The following KLF13 variants were observed in gnomAD, a reference collection of about 807,000 sequenced individuals.
KLF13 encodes KLF transcription factor 13.
In KLF13, 8 loss-of-function variants were observed where a neutral mutation model predicts 16.7. The ratio of observed to expected loss-of-function variants is 0.48; its 90% CI spans 0.28 to 0.87. The LOEUF (loss-of-function observed/expected upper bound fraction) is 0.87. Among genes scored for constraint, KLF13 ranks in the 40% least tolerant of loss-of-function variants. The probability of loss-of-function intolerance (pLI) is 0.10; values close to 1 mark genes in which losing one functional copy is unlikely to be tolerated. For synonymous variants in KLF13, 245 were observed against 208.4 expected (o/e 1.18, Z -1.51); for missense variants, 447 against 452.2 (o/e 0.99, Z 0.10).
intron 1 of KLF13, among the ~76,000 whole-genome samples, chr15:31,426,992 G>A (rs1311082891): frequency 6.6e-6 from 1 of 152,178 alleles, no homozygotes. Flanking sequence ...ACTTATGCTA[G>A]TGGTCCCCTG....
At chr15:31,405,896 A>G (rs879675409), downstream of KLF13, among the ~76,000 whole-genome samples, 4 of 152,258 alleles carry the variant, frequency 2.6e-5, no homozygotes, top group African/African-American at 9.6e-5. Flanking sequence ...TCCCTGGAAG[A>G]AATAGATACT....
rs1491468052 is a variant in KLF13 at position 31,423,139 on chromosome 15, G to GTATATATATACATA, written n.118-12227_118-12226insTATATACATATATA. ...TATATATACGTATATATACGTATAC[G>GTATATATATACATA]TATACGTATATATACGTATATATAT... On this transcript the variant is annotated intron_variant and non_coding_transcript_variant, in intron 1 of 1. Transcript: ENST00000558225. Among the ~76,000 whole-genome samples, 11 of 15,162 alleles carry GTATATATATACATA rather than the reference G, an allele frequency of 7.3e-4. 3 individuals carry two copies. In the African/African-American group the frequency reaches 1.0e-2, roughly 14 times the overall value. 9.9% of individuals were successfully genotyped at this position (15,162 alleles called of 152,430 possible).
chr15:31,330,340 C>T (rs1442307743), intron 1 of KLF13, among the ~76,000 whole-genome samples: 1 of 152,162 alleles, frequency 6.6e-6, no homozygotes, highest in African/African-American at 2.4e-5. Flanking sequence ...GGAAGGTGCC[C>T]CCGCCCCACT....
Position 31,356,987 on chromosome 15 carries a change from A to G in KLF13, c.578-15023A>G, listed in dbSNP as rs2140953060. Among the ~76,000 whole-genome samples the G allele has an allele frequency of 2.6e-5, 4 of 152,076 alleles. No homozygotes were observed. In the South Asian group the frequency reaches 8.3e-4, roughly 32 times the overall value. On this transcript the variant is annotated intron_variant, in intron 1 of 1. Transcript: ENST00000307145. ...CTCAGGGCTGCCTGCAGTTCCTTTT[A>G]TTTGGAGCTGTTGGTCTGATCCTTA... is the stretch of plus-strand genomic sequence containing the variant.
At chr15:31,381,010 A>G (rs1184337905), downstream of KLF13, among the ~76,000 whole-genome samples, 3 of 152,022 alleles carry the variant, frequency 2.0e-5, no homozygotes. Flanking sequence ...CATCCCCACT[A>G]AAAATACAAA....
At chr15:31,382,595 G>A (rs375982833), downstream of KLF13, among the ~76,000 whole-genome samples, 1 of 152,294 alleles carries the variant, frequency 6.6e-6, no homozygotes, top group Non-Finnish European at 1.5e-5. Context: ...TGCATTTCTG[G>A]GGCCTGAACA....
downstream of KLF13, among the ~76,000 whole-genome samples, chr15:31,405,363 C>G (rs28447065): frequency 0.014 from 2,145 of 152,332 alleles, 30 homozygotes; most frequent in Non-Finnish European, 0.022. Flanking sequence ...ACCCCCTCTC[C>G]TCTTCTGCCA....
chr15:31,401,808 T>C (rs1239905532), intron 2 of KLF13, among the ~76,000 whole-genome samples: 2 of 152,202 alleles, frequency 1.3e-5, no homozygotes, highest in East Asian at 3.8e-4. Context: ...CACTTCAGCA[T>C]GAGGGCTGAG....
At chr15:31,418,003 T>A (rs1189664808) in intron 1 of KLF13, among the ~76,000 whole-genome samples, 1 of 152,122 alleles carries the variant, frequency 6.6e-6, no homozygotes, top group East Asian at 1.9e-4. Flanking sequence ...TACAGGGAGC[T>A]TGTGAATAAG....
upstream of KLF13, among the ~76,000 whole-genome samples, chr15:31,389,935 G>A (rs1336061118): frequency 6.6e-6 from 1 of 152,168 alleles, no homozygotes; most frequent in Non-Finnish European, 1.5e-5. Context: ...AGCAAATGGG[G>A]CGAACTCATT....
chr15:31,377,961 C>G (rs2039676691), downstream of KLF13: 1 of 152,112 alleles, frequency 6.6e-6, no homozygotes, highest in Non-Finnish European at 1.5e-5. Flanking sequence ...GGGAGGGGAA[C>G]TGAAATGCAC....
intron 1 of KLF13, among the ~76,000 whole-genome samples, chr15:31,340,427 G>A (rs531753218): frequency 3.3e-5 from 5 of 152,362 alleles, no homozygotes; most frequent in Admixed American, 2.6e-4. Context: ...CGGTTGGGTG[G>A]CACAGGGCTG....
At chr15:31,353,849 A>G (rs2039257512) in intron 1 of KLF13, among the ~76,000 whole-genome samples, 1 of 152,078 alleles carries the variant, frequency 6.6e-6, no homozygotes, top group Non-Finnish European at 1.5e-5. Flanking sequence ...TACTGCAGGC[A>G]TGGGCCTCAG....
intron 1 of KLF13, among the ~76,000 whole-genome samples, chr15:31,341,152 T>C (rs1361599953): frequency 6.6e-6 from 1 of 152,248 alleles, no homozygotes; most frequent in Admixed American, 6.5e-5. Flanking sequence ...AAAGGCCTTC[T>C]TGTCTGTTGG....
intron 2 of KLF13, among the ~76,000 whole-genome samples, chr15:31,397,555 C>T (rs185706346): frequency 3.3e-5 from 5 of 152,350 alleles, no homozygotes; most frequent in African/African-American, 1.2e-4. Context: ...CCTGTTTCCC[C>T]TTTGGGGTCA....
chr15:31,347,465 C>T (rs1455510684), intron 1 of KLF13, among the ~76,000 whole-genome samples: 2 of 152,194 alleles, frequency 1.3e-5, no homozygotes, highest in African/African-American at 2.4e-5. Context: ...CGTCAAAGGG[C>T]ACCCTCAGGG....
intron 1 of KLF13, among the ~76,000 whole-genome samples, chr15:31,332,443 T>G (rs1400494189): frequency 2.6e-5 from 4 of 152,220 alleles, no homozygotes; most frequent in Admixed American, 2.6e-4. Context: ...GATTGGAAAG[T>G]GTGTGGTGGG....
chr15:31,326,984 C>T lies in KLF13; in HGVS notation c.-229C>T, dbSNP rs2038719058. 1 of 180,466 alleles carries T rather than the reference C, an allele frequency of 5.5e-6. No homozygotes were observed. Among genetic ancestry groups the T allele is most frequent in the South Asian group, 1.9e-4 (1 of 5,252 alleles). 11.2% of individuals were successfully genotyped at this position (180,466 alleles called of 1,614,324 possible). On this transcript the variant is annotated 5_prime_UTR_variant, in exon 1 of 2. Transcript: ENST00000307145. The stretch of plus-strand genomic sequence containing the variant: ...GACGCCGCGCGGGGACCCCAGTCGC[C>T]CGCGCGCCCCATGCGCTCACTCTTC...
At chr15:31,381,171 C>CAAACAA (rs2039720873), downstream of KLF13, among the ~76,000 whole-genome samples, 1 of 121,520 alleles carries the variant, frequency 8.2e-6, no homozygotes, top group Non-Finnish European at 1.7e-5. Context: ...GACTCTGTCT[C>CAAACAA]AAAAAAAAAA....
Sources: gnomAD v4.1 joint callset for allele counts (sites outside exome capture counted in the v4.1 genomes callset) on GRCh38, gnomAD v4.1.1 for gene constraint, MANE v1.5 for transcripts, NCBI Gene and HGNC (gene_info 2026-07-23, HGNC 2026-07-21) for gene names.